Variants in CCDC57 observed in about 807,000 individuals in gnomAD.
CCDC57 encodes the protein coiled-coil domain containing 57, also known as coiled-coil domain-containing protein 57.
A neutral mutation model predicts 118.9 loss-of-function variants in CCDC57; 118 were observed. That is an observed-to-expected ratio of 0.99 (90% CI 0.86 to 1.16). The LOEUF is 1.16. CCDC57 is among the 50% of genes most tolerant of loss of function. The pLI, the probability that CCDC57 is intolerant of heterozygous loss-of-function variation, is 0.00. For missense variants in CCDC57, 1,300 were observed against 1,320.7 expected (o/e 0.98, Z 0.24); for synonymous variants, 527 against 532.9 (o/e 0.99, Z 0.15).
chr17:82,151,746 C>A (rs1479057724), exon 16 of CCDC57: 9 of 1,550,126 alleles, frequency 5.8e-6, no homozygotes, highest in Non-Finnish European at 7.8e-6. Flanking sequence ...TGGTCCTCGG[C>A]CTCCATAGGC....
exon 19 of CCDC57, chr17:82,127,868 C>T (rs1381928239): frequency 2.5e-6 from 4 of 1,610,724 alleles, no homozygotes; most frequent in Non-Finnish European, 2.5e-6. Context: ...TTCTTTCTGC[C>T]GAGGTGATTT....
intron 16 of CCDC57, among the ~76,000 whole-genome samples, chr17:82,150,912 C>T (rs1419746689): frequency 9.3e-4 from 67 of 72,200 alleles, no homozygotes; most frequent in Admixed American, 2.4e-3. Context: ...GAACCTGACC[C>T]GCACCCAGAA....
intron 19 of CCDC57, chr17:82,111,982 TTTG>T (rs2035290740): frequency 6.6e-6 from 1 of 151,334 alleles, no homozygotes; most frequent in South Asian, 2.1e-4. Flanking sequence ...TTTGTTTTGT[TTTG>T]TTTTTTGAGA....
chr17:82,117,320 G>A (rs117782684), intron 19 of CCDC57, among the ~76,000 whole-genome samples: 4,403 of 152,206 alleles, frequency 0.029, 85 homozygotes, highest in South Asian at 0.047. Context: ...CCACTGTACT[G>A]GGCGACAGAG....
chr17:82,137,881 C>A (rs1187158801), intron 16 of CCDC57, among the ~76,000 whole-genome samples: 2 of 151,532 alleles, frequency 1.3e-5, no homozygotes, highest in African/African-American at 4.9e-5. Context: ...ACCTTGTTGG[C>A]CAGGATGGTC....
At chr17:82,183,127 G>A (rs1160959566) in intron 9 of CCDC57, among the ~76,000 whole-genome samples, 1 of 152,096 alleles carries the variant, frequency 6.6e-6, no homozygotes, top group African/African-American at 2.4e-5. Context: ...ATTTGGGGGG[G>A]GACATAGAGC....
intron 16 of CCDC57, among the ~76,000 whole-genome samples, chr17:82,143,427 C>G (rs1442934790): frequency 6.6e-6 from 1 of 152,102 alleles, no homozygotes; most frequent in Non-Finnish European, 1.5e-5. Flanking sequence ...TGGTTCCAGA[C>G]AGCGACCTTT....
rs527994144 is a variant in CCDC57 at position 82,171,693 on chromosome 17, G to A, written c.1882+8C>T. 103 of 1,607,474 alleles carry A rather than the reference G, an allele frequency of 6.4e-5. No individual in the cohort carries two copies. Among genetic ancestry groups the A allele is most frequent in the South Asian group, 7.7e-5 (7 of 90,958 alleles). The stretch of plus-strand genomic sequence containing the variant: ...GACAGCAAGTACCCCACTGAGACGC[G>A]GACTTACCAGTCGTCTCTGTCGAGG... On this transcript the variant is annotated splice_region_variant and intron_variant, in intron 13 of 19. Transcript: ENST00000665763.
At position 82,183,762 on chromosome 17, in the gene CCDC57, G is replaced by A. The variant is rs753833556; in HGVS notation, c.1211+12C>T. The A allele has an allele frequency of 1.0e-4, 161 of 1,551,650 alleles. No homozygotes were observed. The highest frequency in any genetic ancestry group is 1.4e-4 in the Non-Finnish European group (157 of 1,146,882). On this transcript the variant is annotated intron_variant, in intron 9 of 19. Coordinates refer to ENST00000665763, the Ensembl canonical transcript of CCDC57. ...AGACCCTCAATGGAAACATCTGCCT[G>A]GGGACAGTTACCTTTCAATGTCCTG...
Position 82,118,076 on chromosome 17 carries a change from C to T in CCDC57, c.2899+9616G>A, listed in dbSNP as rs1382349381. 6.6e-6 allele frequency among the ~76,000 whole-genome samples: 1 copy of T among 152,202 alleles called. No individual in the cohort carries two copies. The highest frequency in any genetic ancestry group is 1.9e-4 in the East Asian group (1 of 5,206). ...CAAAACTACCAGAAAGATCTGTCGG[C>T]TCTGTGTGTACTGACATAAAAAATA... is the stretch of plus-strand genomic sequence containing the variant. On this transcript the variant is annotated intron_variant, in intron 19 of 19. Transcript: ENST00000665763. The surrounding 1 kb of genome is among the most constrained non-coding windows in gnomAD (Gnocchi z 4.7).
At chr17:82,171,292 G>A (rs2044688053) in intron 13 of CCDC57, among the ~76,000 whole-genome samples, 1 of 146,250 alleles carries the variant, frequency 6.8e-6, no homozygotes, top group Admixed American at 6.8e-5. Context: ...TGACTGCAGT[G>A]AGGAGCCAGG....
At chr17:82,178,874 A>G (rs1172618110) in intron 10 of CCDC57, among the ~76,000 whole-genome samples, 153 bp downstream of exon 9, 4 of 152,172 alleles carry the variant, frequency 2.6e-5, no homozygotes, top group African/African-American at 9.6e-5. Context: ...GGCGGGGTGC[A>G]TTTTTATTAC....
At chr17:82,139,512 C>A (rs2039733625) in intron 16 of CCDC57, among the ~76,000 whole-genome samples, 1 of 152,172 alleles carries the variant, frequency 6.6e-6, no homozygotes, top group Non-Finnish European at 1.5e-5. Flanking sequence ...CCCACCACCA[C>A]ACCCAGCTAA....
chr17:82,124,656 C>T (rs150910467), intron 19 of CCDC57, among the ~76,000 whole-genome samples: 6 of 152,002 alleles, frequency 3.9e-5, no homozygotes, highest in Non-Finnish European at 7.4e-5. Context: ...CTTAGCTGAG[C>T]GTGGTGGCGT....
intron 9 of CCDC57, among the ~76,000 whole-genome samples, chr17:82,180,939 G>A (rs945506655): frequency 3.4e-4 from 52 of 152,324 alleles, no homozygotes; most frequent in Non-Finnish European, 2.9e-4. Context: ...CGAGCGGTGC[G>A]GGGCTGAGGC....
chr17:82,104,278 C>T (rs898540139), intron 19 of CCDC57, among the ~76,000 whole-genome samples: 3 of 152,242 alleles, frequency 2.0e-5, no homozygotes, highest in Admixed American at 6.5e-5. Context: ...CACAGTTTGC[C>T]GGGCACAGCG....
intron 8 of CCDC57, 93 bp from the exon 8 acceptor site, chr17:82,184,025 G>GCACACACA (rs1432239867): frequency 1.3e-4 from 51 of 388,390 alleles, no homozygotes; most frequent in East Asian, 5.0e-4. Context: ...ATGCGCGCGC[G>GCACACACA]CGCGCGCACA....
At chr17:82,202,021 C>T in intron 2 of CCDC57, 69 bp from the exon 2 acceptor site, 1 of 1,386,304 alleles carries the variant, frequency 7.2e-7, no homozygotes, top group East Asian at 2.5e-5. Context: ...ACAGTACCTA[C>T]CTCACATTCC....
At chr17:82,150,521 TCAGAACCTGGTGCACATC>T (rs2041818080) in intron 16 of CCDC57, among the ~76,000 whole-genome samples, 2 of 30,586 alleles carry the variant, frequency 6.5e-5, no homozygotes, top group Non-Finnish European at 5.9e-5. Flanking sequence ...AGGCGCACAC[TCAGAACCTGGTGCACATC>T]CAGAACCTGA....
Sources: gnomAD v4.1 joint callset for allele counts (sites outside exome capture counted in the v4.1 genomes callset) on GRCh38, gnomAD v4.1.1 for gene constraint, Gnocchi (gnomAD v3.1) non-coding constraint, MANE v1.5 for transcripts, NCBI Gene and HGNC (gene_info 2026-07-23, HGNC 2026-07-21) for gene names.